Variants in GOLIM4 observed in about 807,000 individuals in gnomAD.
The protein encoded by GOLIM4 is golgi integral membrane protein 4.
A neutral mutation model predicts 107.4 loss-of-function variants in GOLIM4; 71 were observed. The ratio of observed to expected loss-of-function variants is 0.66; its 90% confidence interval spans 0.55 to 0.81. The LOEUF (loss-of-function observed/expected upper bound fraction) is 0.81. Ranked by LOEUF, GOLIM4 falls within the 30% of genes least tolerant of loss-of-function variation. The pLI is 0.00. For synonymous variants in GOLIM4, 327 were observed against 294.8 expected (o/e 1.11, Z -1.12); for missense variants, 830 against 826.1 (o/e 1.00, Z -0.06).
chr3:168,017,792 T>C (rs1717456897), intron 14 of GOLIM4, among the ~76,000 whole-genome samples: 2 of 152,242 alleles, frequency 1.3e-5, no homozygotes, highest in Admixed American at 6.5e-5. Context: ...TCAATTTCTT[T>C]ATGAAATAGT....
At chr3:168,015,972 T>C (rs1469656739) in intron 14 of GOLIM4, among the ~76,000 whole-genome samples, 1 of 134,004 alleles carries the variant, frequency 7.5e-6, no homozygotes, top group Non-Finnish European at 1.5e-5. Flanking sequence ...ATTCAGGACA[T>C]AGGCATGGGC....
intron 7 of GOLIM4, among the ~76,000 whole-genome samples, chr3:168,039,460 C>T (rs1297765962): frequency 2.0e-5 from 3 of 151,924 alleles, no homozygotes; most frequent in Non-Finnish European, 2.9e-5. Flanking sequence ...GAAGGGGTTT[C>T]ACCATGTTGG....
intron 1 of GOLIM4, among the ~76,000 whole-genome samples, chr3:168,070,506 T>A (rs957879782): frequency 1.3e-5 from 2 of 152,260 alleles, no homozygotes; most frequent in Non-Finnish European, 2.9e-5. Context: ...GAGATGGGTG[T>A]TCACACTGTG....
chr3:168,018,846 G>A (rs1055139599), intron 14 of GOLIM4, among the ~76,000 whole-genome samples: 2 of 152,126 alleles, frequency 1.3e-5, no homozygotes, highest in African/African-American at 4.8e-5. Flanking sequence ...AAACAGCCTT[G>A]AGTCTATGCC....
intron 1 of GOLIM4, among the ~76,000 whole-genome samples, chr3:168,054,437 A>T (rs1009439024): frequency 1.3e-4 from 20 of 152,254 alleles, no homozygotes; most frequent in Admixed American, 7.2e-4. Context: ...TGCTCCAGGT[A>T]TCTGAGCAAC....
intron 8 of GOLIM4, among the ~76,000 whole-genome samples, chr3:168,036,474 G>A (rs186710126): frequency 1.2e-4 from 19 of 152,272 alleles, no homozygotes; most frequent in South Asian, 6.2e-4. Context: ...CCCGGGAAGC[G>A]GAGGTTGCAG....
In GOLIM4 at chr3:168,042,785, T is replaced by C. The variant is rs1314393502; in HGVS notation, c.517+594A>G. On this transcript the variant is annotated intron_variant, in intron 5 of 15. Transcript: ENST00000470487. ...TACTCTACATGCTTTATGTAAATTA[T>C]TTCTCACACCAATTCTACAAGGTTG... 2.6e-5 allele frequency among the ~76,000 whole-genome samples: 4 copies of C among 152,234 alleles called. No individual in the cohort carries two copies. The East Asian group carries it at 7.7e-4, about 29-fold the overall frequency.
At chr3:168,013,241 G>A (rs1415603075) in intron 14 of GOLIM4, among the ~76,000 whole-genome samples, 3 of 151,122 alleles carry the variant, frequency 2.0e-5, no homozygotes, top group African/African-American at 2.5e-5. Flanking sequence ...GTTGCAATCC[G>A]AGTCTCTGAT....
chr3:168,093,898 A>T (rs989459122), intron 1 of GOLIM4, among the ~76,000 whole-genome samples: 1 of 152,232 alleles, frequency 6.6e-6, no homozygotes, highest in African/African-American at 2.4e-5. Context: ...AACACTCAAA[A>T]TAACTGAAGC....
In GOLIM4 at chr3:168,010,820, G is replaced by C; in HGVS notation, c.1864C>G (p.Gln622Glu). The C allele has an allele frequency of 6.2e-7, 1 of 1,605,734 alleles. No homozygotes were observed. The highest frequency in any genetic ancestry group is 8.5e-7 in the Non-Finnish European group (1 of 1,173,598). ...QYQEEAEEEV[Q>E]EDLTEEKKRE... ...TTTTTCTCTTCAGTCAAATCTTCCTGAACCTAAAACAAACCACAGATATCA... is the reference window on the plus strand; with the variant it reads ...TTTTTCTCTTCAGTCAAATCTTCCTCAACCTAAAACAAACCACAGATATCA... The change falls in exon 15 of 16, where the codon CAG becomes GAG. Residue 622 changes from glutamine to glutamate, a missense_variant. Transcript: ENST00000470487.
chr3:168,045,807 GC>G (rs912249996), intron 3 of GOLIM4, among the ~76,000 whole-genome samples: 15 of 152,146 alleles, frequency 9.9e-5, no homozygotes, highest in African/African-American at 3.6e-4. Flanking sequence ...AGTGCACACA[GC>G]TTTGGTTAGT....
At chr3:168,080,402 T>C (rs767092897) in intron 1 of GOLIM4, among the ~76,000 whole-genome samples, 13 of 152,188 alleles carry the variant, frequency 8.5e-5, no homozygotes, top group Non-Finnish European at 1.6e-4. Flanking sequence ...CCTGATGCTA[T>C]AGTTTTAAAA....
At chr3:168,048,411 A>T (rs775309194) in intron 1 of GOLIM4, 46 bp from the exon 2 acceptor site, 7 of 875,810 alleles carry the variant, frequency 8.0e-6, no homozygotes, top group Non-Finnish European at 1.2e-5. Flanking sequence ...TTAGAAATTT[A>T]AAACTAAAAT....
At chr3:168,018,797 T>G (rs1172240076) in intron 14 of GOLIM4, among the ~76,000 whole-genome samples, 1 of 152,120 alleles carries the variant, frequency 6.6e-6, no homozygotes, top group African/African-American at 2.4e-5. Context: ...AATATATTAT[T>G]TATAAACATT....
Position 168,008,928 on chromosome 3 carries a change from T to C in GOLIM4, c.*1341A>G, listed in dbSNP as rs1716827726. 1.3e-5 allele frequency: 2 copies of C among 152,182 alleles called. No homozygotes were observed. The highest frequency in any genetic ancestry group is 4.8e-5 in the African/African-American group (2 of 41,538). The allele number at this position is 152,182 out of a possible 1,614,324, so 9.4% of individuals were successfully genotyped here. A position where few individuals can be genotyped will look rare whatever the true frequency, so the allele number is the denominator to read the frequency against. ...AACATTCCTATGCGTACATACACAA[T>C]CACTCAACTGGAACAATCAAAACCA... On this transcript the variant is annotated 3_prime_UTR_variant, in exon 16 of 16. Transcript: ENST00000470487.
chr3:168,081,762 A>G (rs1044998492), intron 1 of GOLIM4, among the ~76,000 whole-genome samples: 1 of 152,320 alleles, frequency 6.6e-6, no homozygotes. Flanking sequence ...TCATGAATAC[A>G]AGGCAATTCA....
At chr3:168,031,188 G>T (rs1156309375) in intron 9 of GOLIM4, among the ~76,000 whole-genome samples, 1 of 152,130 alleles carries the variant, frequency 6.6e-6, no homozygotes, top group East Asian at 1.9e-4. Flanking sequence ...CTAGAAGCTG[G>T]GAAGGGGGAT....
chr3:168,033,606 C>CAAAAAAAAAAAAAAAAA (rs61728774), intron 8 of GOLIM4, among the ~76,000 whole-genome samples: 1 of 31,316 alleles, frequency 3.2e-5, no homozygotes, highest in African/African-American at 9.1e-5. Context: ...GACTCCGTCT[C>CAAAAAAAAAAAAAAAAA]AAAAAAAAAA....
intron 9 of GOLIM4, among the ~76,000 whole-genome samples, chr3:168,032,141 C>A (rs1369220291): frequency 6.6e-6 from 1 of 152,146 alleles, no homozygotes; most frequent in Non-Finnish European, 1.5e-5. Flanking sequence ...GACGCCTGAT[C>A]ATAGAAAATG....
Sources: allele counts gnomAD v4.1 joint callset (sites outside exome capture counted in the v4.1 genomes callset), GRCh38; gene constraint gnomAD v4.1.1; transcripts MANE v1.5; gene names NCBI Gene and HGNC (gene_info 2026-07-23, HGNC 2026-07-21).